MCU: variants seen among roughly 807,000 people sequenced by gnomAD.
The protein encoded by MCU is calcium uniporter protein, mitochondrial.
In MCU, 12 loss-of-function variants were observed where a neutral mutation model predicts 45.2. The ratio of observed to expected loss-of-function variants is 0.27; its 90% CI spans 0.17 to 0.43. MCU has a LOEUF of 0.43. Among genes scored for constraint, MCU ranks in the 20% least tolerant of loss-of-function variants. The pLI, the probability that MCU is intolerant of heterozygous loss-of-function variation, is 1.00. For missense variants in MCU, 324 were observed against 436.7 expected (o/e 0.74, Z 2.30); for synonymous variants, 160 against 165.1 (o/e 0.97, Z 0.24).
At chr10:72,738,349 G>A (rs1329813654) in intron 1 of MCU, among the ~76,000 whole-genome samples, 1 of 152,134 alleles carries the variant, frequency 6.6e-6, no homozygotes, top group African/African-American at 2.4e-5. Flanking sequence ...AATAAAGTAA[G>A]TATATCCTAC....
chr10:72,712,526 G>C (rs867403913), intron 1 of MCU: 1 of 152,156 alleles, frequency 6.6e-6, no homozygotes, highest in Admixed American at 6.5e-5. Flanking sequence ...TTTTCTGTGT[G>C]TTTGGAATTA....
chr10:72,809,397 C>G (rs1467516799), intron 1 of MCU, among the ~76,000 whole-genome samples: 1 of 151,974 alleles, frequency 6.6e-6, no homozygotes, highest in Non-Finnish European at 1.5e-5. Flanking sequence ...AAAGAAGGAA[C>G]AAAAAGAAGC....
intron 1 of MCU, among the ~76,000 whole-genome samples, chr10:72,775,310 AAATT>A (rs1843874301): frequency 6.6e-6 from 1 of 152,186 alleles, no homozygotes; most frequent in Non-Finnish European, 1.5e-5. Flanking sequence ...GCCAATGAAA[AAATT>A]AGGAAAATTA....
intron 2 of MCU, among the ~76,000 whole-genome samples, chr10:72,853,959 C>A (rs1181575421): frequency 6.6e-6 from 1 of 152,118 alleles, no homozygotes; most frequent in Non-Finnish European, 1.5e-5. Flanking sequence ...CGTGGTGAAA[C>A]CCTATCTCTA....
intron 1 of MCU, among the ~76,000 whole-genome samples, chr10:72,799,353 A>G (rs111486771): frequency 2.0e-5 from 3 of 152,350 alleles, no homozygotes; most frequent in African/African-American, 7.2e-5. Context: ...ATATTTAATG[A>G]TTACCTGCTG....
At chr10:72,717,263 CT>C (rs747541997) in intron 1 of MCU, among the ~76,000 whole-genome samples, 340 of 141,596 alleles carry the variant, frequency 2.4e-3, no homozygotes, top group Admixed American at 2.4e-3. Context: ...GGGATTGCTT[CT>C]TTTTTTTTTT....
intron 1 of MCU, among the ~76,000 whole-genome samples, chr10:72,700,323 A>G (rs1842744645): frequency 6.6e-6 from 1 of 152,146 alleles, no homozygotes; most frequent in Non-Finnish European, 1.5e-5. Context: ...AGCCTTGGAA[A>G]GTGTTGGGAT....
chr10:72,694,241 T>C (rs1842659448), intron 1 of MCU, among the ~76,000 whole-genome samples: 1 of 152,272 alleles, frequency 6.6e-6, no homozygotes, highest in South Asian at 2.1e-4. Context: ...ACAATTCTTC[T>C]GAAGCCATCA....
intron 1 of MCU, among the ~76,000 whole-genome samples, chr10:72,810,056 G>C (rs1454441713): frequency 6.6e-6 from 1 of 152,106 alleles, no homozygotes; most frequent in East Asian, 1.9e-4. Flanking sequence ...ATGTGTATGG[G>C]GGTGGACATA....
chr10:72,859,075 A>T, intron 2 of MCU, 102 bp from the exon 3 acceptor site: 3 of 1,141,966 alleles, frequency 2.6e-6, no homozygotes, highest in Non-Finnish European at 3.7e-6. Context: ...AAAACATTTT[A>T]AATCACACTA....
chr10:72,704,352 G>T (rs1842793513), intron 1 of MCU, among the ~76,000 whole-genome samples: 2 of 152,154 alleles, frequency 1.3e-5, no homozygotes, highest in Admixed American at 6.6e-5. Flanking sequence ...TTCACGGTCT[G>T]TTTGACTTTA....
At chr10:72,773,055 C>T (rs1843836188) in intron 1 of MCU, among the ~76,000 whole-genome samples, 1 of 152,108 alleles carries the variant, frequency 6.6e-6, no homozygotes, top group African/African-American at 2.4e-5. Flanking sequence ...CATGCCACAA[C>T]ACCTGGCTAA....
At chr10:72,793,684 C>T (rs1024900001) in intron 1 of MCU, among the ~76,000 whole-genome samples, 1 of 151,956 alleles carries the variant, frequency 6.6e-6, no homozygotes, top group Non-Finnish European at 1.5e-5. Flanking sequence ...TAGCTGGGCC[C>T]TTGGTTGGGG....
intron 1 of MCU, among the ~76,000 whole-genome samples, chr10:72,719,129 T>C (rs1208552722): frequency 6.6e-6 from 1 of 152,208 alleles, no homozygotes; most frequent in South Asian, 2.1e-4. Context: ...TCAGAAAGTA[T>C]ATACAAAAAG....
chr10:72,755,163 T>TA (rs1372895374), intron 1 of MCU, among the ~76,000 whole-genome samples: 1 of 151,294 alleles, frequency 6.6e-6, no homozygotes, highest in Non-Finnish European at 1.5e-5. Context: ...TTTTTTTTTT[T>TA]TTTGAGGCAG....
chr10:72,758,526 GA>G (rs1843610000), intron 1 of MCU, among the ~76,000 whole-genome samples: 1 of 152,144 alleles, frequency 6.6e-6, no homozygotes. Context: ...GCCACCCAGA[GA>G]AAGGGAAATA....
chr10:72,804,652 A>G (rs193196144), intron 1 of MCU, among the ~76,000 whole-genome samples: 47 of 152,338 alleles, frequency 3.1e-4, no homozygotes, highest in Non-Finnish European at 4.7e-4. Flanking sequence ...AAAACTGGCA[A>G]ATTCACATAC....
chr10:72,788,470 A>T (rs1844110081), intron 1 of MCU, among the ~76,000 whole-genome samples: 1 of 152,326 alleles, frequency 6.6e-6, no homozygotes, highest in African/African-American at 2.4e-5. Flanking sequence ...ACAAAAAATT[A>T]AGAAACATAG....
At chr10:72,864,504 ACAGCAC>A (rs1263321207) in intron 4 of MCU, among the ~76,000 whole-genome samples, 2 of 152,248 alleles carry the variant, frequency 1.3e-5, no homozygotes, top group Non-Finnish European at 2.9e-5. Flanking sequence ...TAAATACAGT[ACAGCAC>A]TATAAATTTA....
Sources: gnomAD v4.1 joint callset for allele counts (sites outside exome capture counted in the v4.1 genomes callset) on GRCh38, gnomAD v4.1.1 for gene constraint, MANE v1.5 for transcripts, NCBI Gene and HGNC (gene_info 2026-07-23, HGNC 2026-07-21) for gene names.